The following WWOX variants were observed in gnomAD, a reference collection of about 807,000 sequenced individuals.
WWOX encodes the protein WW domain containing oxidoreductase, also known as WW domain-containing oxidoreductase.
A neutral mutation model predicts 46.2 loss-of-function variants in WWOX; 69 were observed. That is an observed-to-expected ratio of 1.49 (90% CI 1.23 to 1.82). WWOX has a LOEUF of 1.82. Ranked by LOEUF, WWOX falls within the 40% of genes most tolerant of loss-of-function variation. The pLI is 0.00. For synonymous variants in WWOX, 359 were observed against 202.6 expected, an observed-to-expected ratio of 1.77 and a Z score of -6.56; for missense variants, 919 against 542.6, an observed-to-expected ratio of 1.69 and a Z score of -6.89.
intron 8 of WWOX, among the ~76,000 whole-genome samples, chr16:78,681,763 A>G (rs1053598514): frequency 1.3e-5 from 2 of 152,230 alleles, no homozygotes; most frequent in African/African-American, 2.4e-5. Flanking sequence ...AGGCGTGCGC[A>G]GTGACTCTGT....
chr16:78,680,989 C>T (rs566600822), intron 8 of WWOX, among the ~76,000 whole-genome samples: 4 of 152,328 alleles, frequency 2.6e-5, no homozygotes, highest in East Asian at 1.9e-4. Flanking sequence ...TGGCTCACGC[C>T]TGTAATCCCA....
At chr16:78,402,238 T>C (rs569719545) in intron 6 of WWOX, among the ~76,000 whole-genome samples, 2 of 152,352 alleles carry the variant, frequency 1.3e-5, no homozygotes, top group South Asian at 4.1e-4. Context: ...AGATAATACA[T>C]GGCCTTTTGT....
chr16:78,559,379 A>T (rs1024190272), intron 8 of WWOX, among the ~76,000 whole-genome samples: 6 of 152,310 alleles, frequency 3.9e-5, no homozygotes, highest in Admixed American at 1.3e-4. Flanking sequence ...CCAGGGATGG[A>T]TATAGACTAA....
rs116074220 is a variant in WWOX at position 78,847,825 on chromosome 16, C to T, written c.1057-363783C>T. On this transcript the variant is annotated intron_variant, in intron 8 of 8. Transcript: ENST00000566780. ...AACAGTATTTCCCTCACCGCATCAACACCTGTCCTGTATGACTGGCATTGC... is the reference window on the plus strand; with the variant it reads ...AACAGTATTTCCCTCACCGCATCAATACCTGTCCTGTATGACTGGCATTGC... Among the ~76,000 whole-genome samples the T allele has an allele frequency of 2.7e-3, 412 of 152,124 alleles. 3 individuals carry two copies. Among genetic ancestry groups the T allele is most frequent in the African/African-American group, 9.5e-3 (395 of 41,492 alleles).
chr16:78,747,691 G>T (rs574687300), intron 8 of WWOX, among the ~76,000 whole-genome samples: 1 of 152,176 alleles, frequency 6.6e-6, no homozygotes, highest in African/African-American at 2.4e-5. Flanking sequence ...GTATACAATT[G>T]TTTCCTCGAT....
rs74034977 is a variant in WWOX, at chr16:79,112,333, G to C, written c.1057-99275G>C. ...TGTCAAGTCACCAAACCTTCATTCTGAATATTTTTGAGGCTCATGACAGAC... is the reference window on the plus strand; with the variant it reads ...TGTCAAGTCACCAAACCTTCATTCTCAATATTTTTGAGGCTCATGACAGAC... On this transcript the variant is annotated intron_variant, in intron 8 of 8. Coordinates refer to ENST00000566780, the MANE Select transcript of WWOX (RefSeq NM_016373.4). Among the ~76,000 whole-genome samples, 1,232 of 152,240 alleles carry C rather than the reference G, an allele frequency of 8.1e-3. 21 individuals carry two copies. The highest frequency in any genetic ancestry group is 0.028 in the African/African-American group (1,162 of 41,538).
intron 8 of WWOX, among the ~76,000 whole-genome samples, chr16:78,670,473 G>A (rs762453449): frequency 3.3e-5 from 5 of 152,066 alleles, no homozygotes; most frequent in African/African-American, 4.8e-5. Context: ...CTTACCAGTG[G>A]TGTGTGATCG....
chr16:78,319,806 C>T (rs1029820298), intron 5 of WWOX, among the ~76,000 whole-genome samples: 9 of 152,174 alleles, frequency 5.9e-5, no homozygotes, highest in Non-Finnish European at 1.2e-4. Flanking sequence ...ACCCTCCGCC[C>T]TTAGCCTTTC....
intron 8 of WWOX, among the ~76,000 whole-genome samples, chr16:79,189,423 T>TTGTGTGTGTG (rs4035319): frequency 1.7e-5 from 2 of 114,918 alleles, no homozygotes; most frequent in Admixed American, 9.3e-5. Flanking sequence ...ACTCCCAGCT[T>TTGTGTGTGTG]TGTGTGTGTG....
At chr16:78,676,481 C>A (rs922840434) in intron 8 of WWOX, among the ~76,000 whole-genome samples, 1 of 151,752 alleles carries the variant, frequency 6.6e-6, no homozygotes, top group Non-Finnish European at 1.5e-5. Flanking sequence ...CCCACCCCCA[C>A]CTTTGGTGAC....
chr16:79,099,110 C>G (rs963523555), intron 8 of WWOX, among the ~76,000 whole-genome samples: 1 of 152,106 alleles, frequency 6.6e-6, no homozygotes, highest in African/African-American at 2.4e-5. Context: ...AAGTGCCAGG[C>G]TCTTTTAAAC....
At chr16:78,392,173 C>G (rs2082189701) in intron 6 of WWOX, among the ~76,000 whole-genome samples, 1 of 152,120 alleles carries the variant, frequency 6.6e-6, no homozygotes, top group Non-Finnish European at 1.5e-5. Flanking sequence ...GAAGCTGCGT[C>G]TGTGCTTAGA....
intron 8 of WWOX, among the ~76,000 whole-genome samples, chr16:79,158,548 A>G (rs1300239764): frequency 6.6e-6 from 1 of 152,072 alleles, no homozygotes; most frequent in Non-Finnish European, 1.5e-5. Flanking sequence ...GACCCTTTCC[A>G]CATATGCTGG....
At chr16:78,602,589 C>A (rs776403170) in intron 8 of WWOX, among the ~76,000 whole-genome samples, 14 of 152,164 alleles carry the variant, frequency 9.2e-5, no homozygotes, top group Admixed American at 2.6e-4. Context: ...GTAGCATCAT[C>A]CCTTTCCATG....
chr16:79,006,196 G>A (rs1203051129), intron 8 of WWOX, among the ~76,000 whole-genome samples: 1 of 152,210 alleles, frequency 6.6e-6, no homozygotes, highest in Non-Finnish European at 1.5e-5. Flanking sequence ...AGTTTGGCCT[G>A]CGGCAGGAAA....
intron 8 of WWOX, chr16:78,872,775 C>G (rs2044155078): frequency 6.6e-6 from 1 of 152,222 alleles, no homozygotes; most frequent in Non-Finnish European, 1.5e-5. Flanking sequence ...ACTTACTTCA[C>G]ATGCAGAGGC....
At chr16:79,200,206 T>C (rs1035103032) in intron 8 of WWOX, among the ~76,000 whole-genome samples, 1 of 151,894 alleles carries the variant, frequency 6.6e-6, no homozygotes, top group African/African-American at 2.4e-5. Context: ...AAGCCAGGGT[T>C]TTAGGCACTA....
At chr16:78,443,685 G>C (rs542277501) in intron 8 of WWOX, among the ~76,000 whole-genome samples, 1 of 152,226 alleles carries the variant, frequency 6.6e-6, no homozygotes, top group South Asian at 2.1e-4. Flanking sequence ...ACCAAGATTT[G>C]CAATTCCCCT....
rs189119673 is a variant in WWOX at position 78,929,656 on chromosome 16, A to G, written c.1057-281952A>G. Among the ~76,000 whole-genome samples, 501 of 152,252 alleles carry G rather than the reference A, an allele frequency of 3.3e-3. 3 individuals carry two copies. Among genetic ancestry groups the G allele is most frequent in the African/African-American group, 0.011 (469 of 41,566 alleles). The stretch of plus-strand genomic sequence containing the variant: ...TATTTCTGGGGTTGGGATGGCGACT[A>G]AAGACCCGCGTGGACTGCATGCTGC... On this transcript the variant is annotated intron_variant, in intron 8 of 8. Transcript: ENST00000566780.
Sources: allele counts gnomAD v4.1 joint callset (sites outside exome capture counted in the v4.1 genomes callset), GRCh38; gene constraint gnomAD v4.1.1; transcripts MANE v1.5; gene names NCBI Gene and HGNC (gene_info 2026-07-23, HGNC 2026-07-21).